BTN3A3: variants seen among roughly 807,000 people sequenced by gnomAD.
The protein encoded by BTN3A3 is butyrophilin 3.
BTN3A3 carries 39 observed loss-of-function variants against 43.2 expected under a neutral mutation model. The observed-to-expected ratio is 0.90, with a 90% CI of 0.70 to 1.18. The LOEUF (loss-of-function observed/expected upper bound fraction) is 1.18, where lower values mean the gene tolerates loss of function less well. Among genes scored for constraint, BTN3A3 ranks in the 50% most tolerant of loss-of-function variants. BTN3A3 has a pLI of 0.00. For missense variants in BTN3A3, 631 were observed against 722.8 expected (o/e 0.87, Z 1.46); for synonymous variants, 255 against 272.7 (o/e 0.93, Z 0.64).
chr6:26,450,671 C>G (rs1181153162), intron 10 of BTN3A3, among the ~76,000 whole-genome samples: 1 of 152,150 alleles, frequency 6.6e-6, no homozygotes, highest in Non-Finnish European at 1.5e-5. Flanking sequence ...CAAGTTCAAA[C>G]TGGTTGGTTG....
At position 26,452,502 on chromosome 6, in the gene BTN3A3, A is replaced by G. The variant is rs1389409655; in HGVS notation, c.*91A>G. 5 of 1,166,932 alleles carry G rather than the reference A, an allele frequency of 4.3e-6. No homozygotes were observed. In the East Asian group the frequency reaches 1.0e-4, roughly 24 times the overall value. The allele number at this position is 1,166,932 out of a possible 1,614,324, so 72.3% of individuals were successfully genotyped here. On this transcript the variant is annotated 3_prime_UTR_variant, in exon 11 of 11. Coordinates refer to ENST00000244519, the MANE Select transcript of BTN3A3 (RefSeq NM_006994.5). ...CAGATAAGGAAACTGGGGTGCAGAA[A>G]GGTGAATTAACTTTACAAAGTAGAC...
rs1762708026 is a variant in BTN3A3, at chr6:26,443,974, G to A, written c.103G>A (p.Gly35Arg). ...GCTGACAGCTCAGTTTTCTGTGCTT[G>A]GACCCTCTGGGCCCATCCTGGCCAT... The part of the protein sequence containing the change: ...TPCSAQFSVL[G>R]PSGPILAMVG... The change falls in exon 4 of 11, where the codon GGA becomes AGA. Residue 35 changes from glycine (G) to arginine (R), a missense_variant. Gly to Arg is a moderately radical substitution (Grantham distance 125). Coordinates refer to ENST00000244519, the MANE Select transcript of BTN3A3 (RefSeq NM_006994.5). 2 of 1,613,868 alleles carry A rather than the reference G, an allele frequency of 1.2e-6. No homozygotes were observed. Among genetic ancestry groups the A allele is most frequent in the Non-Finnish European group, 1.7e-6 (2 of 1,179,814 alleles).
At position 26,452,184 on chromosome 6, in the gene BTN3A3, A is replaced by G. The variant is rs769838075; in HGVS notation, c.1528A>G (p.Thr510Ala). Residue 510 changes from threonine to alanine, a missense_variant, in exon 11 of 11, where the codon ACC becomes GCC. Transcript: ENST00000244519. ...RILTLEPTAL[T>A]ICPIPKEVES... Reference sequence around the variant, plus strand: ...TTTGACCTTGGAGCCCACTGCCCTGACCATTTGCCCAATACCAAAAGAAGT... The same window carrying G: ...TTTGACCTTGGAGCCCACTGCCCTGGCCATTTGCCCAATACCAAAAGAAGT... 1.2e-6 allele frequency: 2 copies of G among 1,613,976 alleles called. No individual in the cohort carries two copies. Among genetic ancestry groups the G allele is most frequent in the Non-Finnish European group, 1.7e-6 (2 of 1,180,012 alleles).
chr6:26,447,115 G>T (rs1390523237), intron 5 of BTN3A3, among the ~76,000 whole-genome samples: 1 of 152,096 alleles, frequency 6.6e-6, no homozygotes, highest in African/African-American at 2.4e-5. Context: ...CCATACAAGG[G>T]AATACTGCCC....
At chr6:26,450,616 A>G (rs1246136341) in intron 10 of BTN3A3, among the ~76,000 whole-genome samples, 1 of 152,254 alleles carries the variant, frequency 6.6e-6, no homozygotes, top group African/African-American at 2.4e-5. Flanking sequence ...AGACTGAAGT[A>G]ATAATAAATA....
At chr6:26,442,504 G>A (rs1423624831) in intron 1 of BTN3A3, among the ~76,000 whole-genome samples, 1 of 152,124 alleles carries the variant, frequency 6.6e-6, no homozygotes, top group East Asian at 1.9e-4. Context: ...AATCATTAGT[G>A]TAGTTCTGCA....
At position 26,451,983 on chromosome 6, in the gene BTN3A3, C is replaced by T. The variant is rs148819206; in HGVS notation, c.1327C>T (p.Arg443Trp). The change falls in exon 11 of 11, where the codon CGG becomes TGG. Residue 443 changes from arginine (R) to tryptophan (W), a missense_variant. This residue lies in a region of BTN3A3 where 551 missense variants were observed against 584.0 expected (regional missense o/e 0.94). Transcript: ENST00000244519. ...TMGLTDGNKY[R>W]ALTEPRTNLK... is the part of the protein sequence containing the mutation. ...GGGCCTGACTGATGGGAATAAGTAT[C>T]GGGCTCTCACTGAGCCCAGAACCAA... is the stretch of plus-strand genomic sequence containing the variant. The T allele has an allele frequency of 8.1e-3, 13,031 of 1,614,084 alleles. 87 individuals carry two copies. The highest frequency in any genetic ancestry group is 0.01 in the Non-Finnish European group (11,988 of 1,180,002).
At chr6:26,444,515 A>T in intron 4 of BTN3A3, 2 of 748,902 alleles carry the variant, frequency 2.7e-6, no homozygotes, top group Non-Finnish European at 4.3e-6. Flanking sequence ...GAAGTAAACA[A>T]CTCCCTCCCT....
chr6:26,448,698 G>C, intron 7 of BTN3A3, 30 bp from the exon 8 acceptor site: 1 of 1,613,936 alleles, frequency 6.2e-7, no homozygotes, highest in Admixed American at 1.7e-5. Context: ...TGAGCACCTT[G>C]ATAACCCTTC....
chr6:26,449,973 C>A, intron 9 of BTN3A3, 134 bp from the exon 10 acceptor site: 1 of 1,082,138 alleles, frequency 9.2e-7, no homozygotes, highest in Non-Finnish European at 1.4e-6. Flanking sequence ...TCTATCAGAG[C>A]TGTAGAGGAA....
At position 26,452,645 on chromosome 6, in the gene BTN3A3, A is replaced by G. The variant is rs1762961690; in HGVS notation, c.*234A>G. On this transcript the variant is annotated 3_prime_UTR_variant, in exon 11 of 11. Coordinates refer to ENST00000244519, the MANE Select transcript of BTN3A3 (RefSeq NM_006994.5). ...GGTGGATGTCACTCCTTTAATCCTC[A>G]CAACACCCTGTCGGGTAGTCATATT... 2.0e-6 allele frequency: 1 copy of G among 489,886 alleles called. No individual in the cohort carries two copies. The allele number at this position is 489,886 out of a possible 1,614,324, so 30.3% of individuals were successfully genotyped here. A position where few individuals can be genotyped will look rare whatever the true frequency, so the allele number is the denominator to read the frequency against.
chr6:26,443,465 T>C, intron 2 of BTN3A3, 23 bp downstream of exon 2: 2 of 1,566,532 alleles, frequency 1.3e-6, no homozygotes, highest in Non-Finnish European at 1.7e-6. Context: ...TTGGTCACCA[T>C]ACTTGAGTTA....
At position 26,449,650 on chromosome 6, in the gene BTN3A3, C is replaced by T. The variant is rs1762874731; in HGVS notation, c.965-12C>T. On this transcript the variant is annotated splice_polypyrimidine_tract_variant and intron_variant, in intron 8 of 10. Transcript: ENST00000244519. ...GTGTTCAGGTGACACCTCTATCTTT[C>T]TTTCATTGTAGGTGGAGAGAAGTCT... is the stretch of plus-strand genomic sequence containing the variant. 2 of 1,614,182 alleles carry T rather than the reference C, an allele frequency of 1.2e-6. No homozygotes were observed. The highest frequency in any genetic ancestry group is 1.7e-6 in the Non-Finnish European group (2 of 1,180,008).
At chr6:26,450,164 A>T in intron 10 of BTN3A3, 31 bp downstream of exon 10, 2 of 1,607,978 alleles carry the variant, frequency 1.2e-6, no homozygotes, top group Non-Finnish European at 1.7e-6. Flanking sequence ...TCCCTGGATC[A>T]ACAACCTGAG....
chr6:26,451,787 A>G lies in BTN3A3; in HGVS notation c.1131A>G (p.Arg377=). The G allele has an allele frequency of 6.2e-7, 1 of 1,614,044 alleles. No individual in the cohort carries two copies. The highest frequency in any genetic ancestry group is 8.5e-7 in the Non-Finnish European group (1 of 1,179,912). ...GGGATCTGCCAGACAACCCTGAGAGATTTGAATGGCGTTACTGTGTCCTTG... is the reference window on the plus strand; with the variant it reads ...GGGATCTGCCAGACAACCCTGAGAGGTTTGAATGGCGTTACTGTGTCCTTG... ...EPRDLPDNPE[R]FEWRYCVLGC... Residue 377 remains arginine (R), a synonymous_variant, in exon 11 of 11, where the codon AGA becomes AGG. Transcript: ENST00000244519.
chr6:26,450,561 T>G (rs1451348182), intron 10 of BTN3A3, among the ~76,000 whole-genome samples: 1 of 152,208 alleles, frequency 6.6e-6, no homozygotes, highest in Non-Finnish European at 1.5e-5. Context: ...CGCCTCCACA[T>G]TTTTAAATGA....
chr6:26,446,530 G>A (rs935511547), intron 5 of BTN3A3, among the ~76,000 whole-genome samples: 78 of 152,286 alleles, frequency 5.1e-4, no homozygotes, highest in Non-Finnish European at 1.3e-4. Flanking sequence ...ATACCACATG[G>A]CTATGGCAGG....
At position 26,451,744 on chromosome 6, in the gene BTN3A3, A is replaced by G; in HGVS notation, c.1088A>G (p.Gln363Arg). 5 of 1,614,206 alleles carry G rather than the reference A, an allele frequency of 3.1e-6. No individual in the cohort carries two copies. The highest frequency in any genetic ancestry group is 4.2e-6 in the Non-Finnish European group (5 of 1,180,048). Residue 363 changes from glutamine to arginine, a missense_variant, in exon 11 of 11, where the codon CAG (glutamine) becomes CGG (arginine). Around this residue, in one of 2 missense-constraint regions of BTN3A3, gnomAD observed 551 missense variants for 584.0 expected, o/e 0.94. Coordinates refer to ENST00000244519, the MANE Select transcript of BTN3A3 (RefSeq NM_006994.5). ...LLVSEDQRSV[Q>R]RAEEPRDLPD... ...GTTTCTGAGGACCAGAGGAGTGTGC[A>G]GCGTGCTGAAGAGCCGCGGGATCTG...
At chr6:26,450,063 C>T (rs753507119) in intron 9 of BTN3A3, 44 bp from the exon 10 acceptor site, 1 of 1,603,608 alleles carries the variant, frequency 6.2e-7, no homozygotes, top group Non-Finnish European at 8.5e-7. Flanking sequence ...GAGAAAAGAA[C>T]AAAAATACTG....
Sources: allele counts gnomAD v4.1 joint callset (sites outside exome capture counted in the v4.1 genomes callset), GRCh38; gene constraint gnomAD v4.1.1; regional missense constraint gnomAD v4.1.1; transcripts MANE v1.5; gene names NCBI Gene and HGNC (gene_info 2026-07-23, HGNC 2026-07-21).